The following CSMD2 variants were observed in gnomAD, a reference collection of about 807,000 sequenced individuals.
CSMD2 encodes the protein CUB and Sushi multiple domains 2.
A neutral mutation model predicts 398.5 loss-of-function variants in CSMD2; 130 were observed. The ratio of observed to expected loss-of-function variants is 0.33; its 90% CI spans 0.28 to 0.38. The LOEUF (loss-of-function observed/expected upper bound fraction) is 0.38, where lower values mean the gene tolerates loss of function less well. Ranked by LOEUF, CSMD2 falls within the 10% of genes least tolerant of loss-of-function variation. The pLI, the probability that CSMD2 is intolerant of heterozygous loss-of-function variation, is 1.00. For missense variants in CSMD2, 3,829 were observed against 4,764.9 expected (o/e 0.80, Z 5.78); for synonymous variants, 1,828 against 1,908.5 (o/e 0.96, Z 1.10).
At position 34,148,949 on chromosome 1, in the gene CSMD2, C is replaced by A. The variant is rs1210395016; in HGVS notation, c.187+15962G>T. On this transcript the variant is annotated intron_variant, in intron 1 of 70. Transcript: ENST00000373381. ...TTCCTGGCAAGGCCTTGAACCACAC[C>A]TCAGAAGCCAAGGGTCTAGTGTTTC... Among the ~76,000 whole-genome samples the A allele has an allele frequency of 2.0e-5, 3 of 152,174 alleles. No individual in the cohort carries two copies. The East Asian group carries it at 5.8e-4, about 29-fold the overall frequency.
At chr1:34,127,708 C>T (rs1192256242) in intron 1 of CSMD2, among the ~76,000 whole-genome samples, 2 of 152,110 alleles carry the variant, frequency 1.3e-5, no homozygotes, top group Non-Finnish European at 2.9e-5. Context: ...GGGTGCTGGG[C>T]GTAGGTTAGA....
At chr1:33,994,293 G>T (rs142854958) in intron 3 of CSMD2, among the ~76,000 whole-genome samples, 1 of 152,228 alleles carries the variant, frequency 6.6e-6, no homozygotes, top group East Asian at 1.9e-4. Context: ...GCGAGAGGAA[G>T]AAGGGAGAAT....
chr1:34,083,547 A>C (rs1186938673), intron 2 of CSMD2, among the ~76,000 whole-genome samples: 4 of 152,262 alleles, frequency 2.6e-5, no homozygotes. Flanking sequence ...CAAGTGACAT[A>C]ACTAAGTTTG....
chr1:33,674,241 C>A (rs2149039650), intron 25 of CSMD2, among the ~76,000 whole-genome samples: 1 of 151,938 alleles, frequency 6.6e-6, no homozygotes, highest in East Asian at 1.9e-4. Flanking sequence ...CACATAAGCT[C>A]AAAATAAAGG....
At chr1:33,637,247 C>T (rs556385815) in intron 29 of CSMD2, among the ~76,000 whole-genome samples, 3 of 152,264 alleles carry the variant, frequency 2.0e-5, no homozygotes, top group African/African-American at 4.8e-5. Context: ...GTTACCCGAC[C>T]GGTGGGATAA....
chr1:33,639,559 G>C (rs761006889), intron 29 of CSMD2, among the ~76,000 whole-genome samples: 4 of 152,164 alleles, frequency 2.6e-5, no homozygotes, highest in Non-Finnish European at 5.9e-5. Context: ...GGAGGAGAAG[G>C]TTCATCACCT....
intron 1 of CSMD2, among the ~76,000 whole-genome samples, chr1:34,128,777 G>A (rs1317860044): frequency 6.6e-6 from 1 of 152,040 alleles, no homozygotes; most frequent in Admixed American, 6.5e-5. Flanking sequence ...TAGTCAGGAG[G>A]GGCGTCGTCC....
At chr1:34,103,942 G>C (rs1325003200) in intron 1 of CSMD2, among the ~76,000 whole-genome samples, 5 of 152,142 alleles carry the variant, frequency 3.3e-5, no homozygotes, top group Non-Finnish European at 1.5e-5. Context: ...TATTGTGTGT[G>C]GGCAACTTAT....
intron 25 of CSMD2, among the ~76,000 whole-genome samples, chr1:33,666,718 G>T (rs1391596830): frequency 6.6e-6 from 1 of 152,080 alleles, no homozygotes; most frequent in African/African-American, 2.4e-5. Flanking sequence ...GAAAAGAGGA[G>T]AAGGAGATCC....
intron 5 of CSMD2, among the ~76,000 whole-genome samples, chr1:33,857,773 C>A (rs2125105131): frequency 6.6e-6 from 1 of 152,166 alleles, no homozygotes; most frequent in East Asian, 1.9e-4. Context: ...GGACAATTCT[C>A]CAAAAGAAGG....
At chr1:34,148,713 GC>G (rs1264645696) in intron 1 of CSMD2, among the ~76,000 whole-genome samples, 1 of 152,160 alleles carries the variant, frequency 6.6e-6, no homozygotes, top group Non-Finnish European at 1.5e-5. Context: ...CAGGATTTTT[GC>G]CCCATTTTAC....
At chr1:33,664,558 T>C (rs1349184698) in intron 25 of CSMD2, among the ~76,000 whole-genome samples, 1 of 152,238 alleles carries the variant, frequency 6.6e-6, no homozygotes, top group Non-Finnish European at 1.5e-5. Flanking sequence ...TCCCAGCACT[T>C]TGGGAGGCTG....
At position 33,918,269 on chromosome 1, in the gene CSMD2, G is replaced by T; in HGVS notation, c.745C>A (p.Gln249Lys). ...DDACGGTLRG[Q>K]SGIISSPHFP... ...TGGGGGCTGGAGATGATGCCACTCT[G>T]GCCCCGCAGGGTCCCACCACAGGCA... The change falls in exon 5 of 71, where the codon CAG (glutamine) becomes AAG (lysine). Residue 249 changes from glutamine to lysine, a missense_variant. Physicochemically the swap from Gln to Lys is moderately conservative, Grantham distance 53. This residue lies in a region of CSMD2 where 2,001 missense variants were observed against 2,567.1 expected (regional missense o/e 0.78). Coordinates refer to ENST00000373381, the MANE Select transcript of CSMD2 (RefSeq NM_001281956.2). 6.2e-7 allele frequency: 1 copy of T among 1,614,004 alleles called. No individual in the cohort carries two copies. Among genetic ancestry groups the T allele is most frequent in the Non-Finnish European group, 8.5e-7 (1 of 1,180,010 alleles).
chr1:33,663,492 T>TAA (rs112583544), intron 25 of CSMD2, among the ~76,000 whole-genome samples: 7 of 142,216 alleles, frequency 4.9e-5, no homozygotes, highest in Non-Finnish European at 7.7e-5. Flanking sequence ...AGGATATAGG[T>TAA]AAAAAAAAAA....
chr1:33,875,269 C>T (rs1011899671), intron 5 of CSMD2, among the ~76,000 whole-genome samples: 7 of 152,070 alleles, frequency 4.6e-5, no homozygotes, highest in East Asian at 1.9e-4. Context: ...ACATAAGGGG[C>T]GGGGGAACTG....
At chr1:33,852,069 C>A (rs376038906) in intron 5 of CSMD2, among the ~76,000 whole-genome samples, 1 of 152,148 alleles carries the variant, frequency 6.6e-6, no homozygotes, top group Admixed American at 6.5e-5. Context: ...AGCTTTCCCC[C>A]AGTCGTTTCT....
intron 5 of CSMD2, among the ~76,000 whole-genome samples, chr1:33,902,295 C>T (rs1642807382): frequency 6.6e-6 from 1 of 152,140 alleles, no homozygotes; most frequent in Non-Finnish European, 1.5e-5. Context: ...GCTGCCTCTT[C>T]TTCCCTTACC....
At position 33,541,458 on chromosome 1, in the gene CSMD2, T is replaced by A. The variant is rs905116518; in HGVS notation, c.9278-149A>T. ...CTCCTCACAGGATCCCAGTTGGACATTACCCATTCTAAATTTCTTTTTTTT... is the reference window on the plus strand; with the variant it reads ...CTCCTCACAGGATCCCAGTTGGACAATACCCATTCTAAATTTCTTTTTTTT... On this transcript the variant is annotated intron_variant, in intron 58 of 70. Transcript: ENST00000373381. 7 of 652,400 alleles carry A rather than the reference T, an allele frequency of 1.1e-5. 1 individual carries two copies. The South Asian group carries it at 1.2e-4, about 11-fold the overall frequency. 40.4% of individuals were successfully genotyped at this position (652,400 alleles called of 1,614,324 possible). A position where few individuals can be genotyped will look rare whatever the true frequency, so the allele number is the denominator to read the frequency against.
intron 5 of CSMD2, among the ~76,000 whole-genome samples, chr1:33,882,824 T>C (rs1219704770): frequency 6.6e-6 from 1 of 152,180 alleles, no homozygotes; most frequent in African/African-American, 2.4e-5. Flanking sequence ...TTCCTTCCAT[T>C]CTTCCTTCTT....
Sources: gnomAD v4.1 joint callset for allele counts (sites outside exome capture counted in the v4.1 genomes callset) on GRCh38, gnomAD v4.1.1 for gene constraint, gnomAD v4.1.1 regional missense constraint, MANE v1.5 for transcripts, NCBI Gene and HGNC (gene_info 2026-07-23, HGNC 2026-07-21) for gene names.